MATCAP2: variants seen among roughly 807,000 people sequenced by gnomAD.
The protein encoded by MATCAP2 is microtubule associated tyrosine carboxypeptidase 2, also known as putative tyrosine carboxypeptidase MATCAP2.
At chr7:36,358,179 C>CA in the MATCAP2 span, among the ~76,000 whole-genome samples, 65 of 150,368 alleles carry the variant, frequency 4.3e-4, no homozygotes, top group Non-Finnish European at 9.4e-4. Flanking sequence ...GCCTGGGTGA[C>CA]AGAGTGAGAC....
chr7:36,332,353 T>C, the MATCAP2 span, among the ~76,000 whole-genome samples: 1 of 152,318 alleles, frequency 6.6e-6, no homozygotes, highest in East Asian at 1.9e-4. Context: ...TAGTTCAGTA[T>C]ATCAACAAAT....
chr7:36,381,626 G>GT, the MATCAP2 span, among the ~76,000 whole-genome samples: 1 of 148,790 alleles, frequency 6.7e-6, no homozygotes, highest in African/African-American at 2.5e-5. Context: ...AGCTAAGATG[G>GT]TAACACTGCA....
the MATCAP2 span, among the ~76,000 whole-genome samples, chr7:36,373,121 AAAG>A: frequency 6.6e-6 from 1 of 151,664 alleles, no homozygotes; most frequent in Admixed American, 6.6e-5. Context: ...AAAAAAAAAA[AAAG>A]AGGGCAATAA....
At chr7:36,343,593 T>G in the MATCAP2 span, among the ~76,000 whole-genome samples, 719 of 29,976 alleles carry the variant, frequency 0.024, no homozygotes, top group Non-Finnish European at 0.029. Context: ...AGAGGGGAGG[T>G]GGAAAGGAAG....
the MATCAP2 span, among the ~76,000 whole-genome samples, chr7:36,350,670 T>C: frequency 5.3e-5 from 8 of 152,106 alleles, no homozygotes; most frequent in South Asian, 1.2e-3. Context: ...GCCTCCGAAG[T>C]AGCTGGGATT....
the MATCAP2 span, among the ~76,000 whole-genome samples, chr7:36,378,490 A>G: frequency 6.6e-6 from 1 of 152,206 alleles, no homozygotes; most frequent in Non-Finnish European, 1.5e-5. Flanking sequence ...AGGGGCACCC[A>G]GCTGTATGAG....
chr7:36,345,789 T>C, the MATCAP2 span, among the ~76,000 whole-genome samples: 3 of 152,140 alleles, frequency 2.0e-5, no homozygotes, highest in Non-Finnish European at 2.9e-5. Flanking sequence ...TTCATGACCC[T>C]GGATTAGGCA....
the MATCAP2 span, among the ~76,000 whole-genome samples, chr7:36,347,854 C>G: frequency 2.6e-5 from 4 of 152,140 alleles, no homozygotes; most frequent in African/African-American, 4.8e-5. Flanking sequence ...AACTTCCCCC[C>G]CAAACAGAAT....
At chr7:36,366,115 T>C in the MATCAP2 span, among the ~76,000 whole-genome samples, 8 of 152,242 alleles carry the variant, frequency 5.3e-5, no homozygotes, top group African/African-American at 1.7e-4. Context: ...CGGCTTTATT[T>C]TGGCACTAGT....
chr7:36,337,504 T>C, the MATCAP2 span, among the ~76,000 whole-genome samples: 1 of 152,202 alleles, frequency 6.6e-6, no homozygotes, highest in African/African-American at 2.4e-5. Context: ...AGGGAATTCA[T>C]ATACATGTCA....
the MATCAP2 span, among the ~76,000 whole-genome samples, chr7:36,350,970 G>A: frequency 2.0e-5 from 3 of 152,022 alleles, no homozygotes; most frequent in Non-Finnish European, 4.4e-5. Context: ...TATGATTTTT[G>A]CCCAGATCCT....
At chr7:36,386,960 G>A in the MATCAP2 span, among the ~76,000 whole-genome samples, 1 of 152,100 alleles carries the variant, frequency 6.6e-6, no homozygotes, top group African/African-American at 2.4e-5. Context: ...ATGGCATCAT[G>A]GGGTCTTTGG....
At chr7:36,342,843 C>T in the MATCAP2 span, among the ~76,000 whole-genome samples, 1 of 152,174 alleles carries the variant, frequency 6.6e-6, no homozygotes, top group African/African-American at 2.4e-5. Context: ...CCAGGCTGTT[C>T]TTGAACTCCT....
the MATCAP2 span, chr7:36,390,321 T>C: frequency 9.6e-6 from 5 of 522,794 alleles, no homozygotes; most frequent in African/African-American, 7.7e-5. Flanking sequence ...GCCCCCGTTT[T>C]TACCATGTCC....
At chr7:36,325,631 T>C in the MATCAP2 span, 1 of 152,202 alleles carries the variant, frequency 6.6e-6, no homozygotes, top group Non-Finnish European at 1.5e-5. Context: ...TTAAGTTGTA[T>C]GAAGAACCAT....
chr7:36,374,909 G>A, the MATCAP2 span, among the ~76,000 whole-genome samples: 5 of 152,172 alleles, frequency 3.3e-5, no homozygotes, highest in Admixed American at 2.6e-4. Context: ...TGGTGTATAT[G>A]TGCCACATTT....
chr7:36,357,529 T>G, the MATCAP2 span: 3 of 1,614,152 alleles, frequency 1.9e-6, no homozygotes, highest in African/African-American at 1.3e-5. Flanking sequence ...CAATGATCAA[T>G]GAATCTTCTG....
At chr7:36,386,447 ATGTGTGTG>A in the MATCAP2 span, among the ~76,000 whole-genome samples, 2 of 148,436 alleles carry the variant, frequency 1.3e-5, no homozygotes, top group African/African-American at 2.5e-5. Context: ...GTATGTGTGT[ATGTGTGTG>A]TGTGTGTGTG....
chr7:36,366,961 C>A, the MATCAP2 span: 125 of 1,346,976 alleles, frequency 9.3e-5, 1 homozygote, highest in Non-Finnish European at 1.2e-4. Context: ...AGGCCCGGGG[C>A]GGCGGGCTCC....
Sources: gnomAD v4.1 joint callset for allele counts (sites outside exome capture counted in the v4.1 genomes callset) on GRCh38, gnomAD v4.1.1 for gene constraint, MANE v1.5 for transcripts, NCBI Gene and HGNC (gene_info 2026-07-23, HGNC 2026-07-21) for gene names.